CPEB3: variants seen among roughly 807,000 people sequenced by gnomAD.
CPEB3 encodes the protein cytoplasmic polyadenylation element-binding protein 3.
A neutral mutation model predicts 67.2 loss-of-function variants in CPEB3; 20 were observed. That is an observed-to-expected ratio of 0.30 (90% CI 0.21 to 0.43). CPEB3 has a LOEUF of 0.43. Among genes scored for constraint, CPEB3 ranks in the 20% least tolerant of loss-of-function variants. CPEB3 has a pLI of 1.00. For synonymous variants in CPEB3, 376 were observed against 393.1 expected (o/e 0.96, Z 0.51); for missense variants, 746 against 968.6 (o/e 0.77, Z 3.05).
intron 8 of CPEB3, among the ~76,000 whole-genome samples, chr10:92,091,535 T>C (rs1233152018): frequency 6.6e-6 from 1 of 151,930 alleles, no homozygotes; most frequent in African/African-American, 2.4e-5. Context: ...GGCATAAGAA[T>C]GCACATTGCC....
chr10:92,160,083 A>C lies in CPEB3; in HGVS notation c.1223-14998T>G, dbSNP rs115159225. ...TGCGTCAGCCTCCCAAGTAACTAGA[A>C]TTACAGGTGCTGGTCACCACGCCTG... On this transcript the variant is annotated intron_variant, in intron 4 of 9. Transcript: ENST00000265997. Among the ~76,000 whole-genome samples, 203 of 152,118 alleles carry C rather than the reference A, an allele frequency of 1.3e-3. 1 individual carries two copies. The highest frequency in any genetic ancestry group is 4.8e-3 in the African/African-American group (199 of 41,512).
intron 1 of CPEB3, among the ~76,000 whole-genome samples, chr10:92,241,854 T>G (rs905707161): frequency 1.3e-5 from 2 of 152,212 alleles, no homozygotes; most frequent in Admixed American, 6.5e-5. Flanking sequence ...ATAATTATTT[T>G]TAGATGATGA....
chr10:92,290,480 A>G (rs1842812323), intron 1 of CPEB3, among the ~76,000 whole-genome samples: 1 of 152,204 alleles, frequency 6.6e-6, no homozygotes, highest in East Asian at 1.9e-4. Flanking sequence ...TTATTCACCA[A>G]CGTGTTCCAT....
At chr10:92,275,629 C>G (rs1841943362) in intron 1 of CPEB3, among the ~76,000 whole-genome samples, 2 of 152,006 alleles carry the variant, frequency 1.3e-5, no homozygotes, top group South Asian at 4.1e-4. Flanking sequence ...CAATTTTAGA[C>G]CATTTTCATC....
intron 6 of CPEB3, among the ~76,000 whole-genome samples, chr10:92,126,713 C>G (rs1209241958): frequency 1.3e-5 from 2 of 152,088 alleles, no homozygotes; most frequent in African/African-American, 4.8e-5. Context: ...TACAGAGGAG[C>G]AAAACAAATA....
intron 1 of CPEB3, among the ~76,000 whole-genome samples, chr10:92,260,082 C>A (rs950524836): frequency 6.6e-6 from 1 of 152,188 alleles, no homozygotes; most frequent in Non-Finnish European, 1.5e-5. Context: ...CAGGAGATAG[C>A]TTGGACTTCA....
At chr10:92,104,808 A>T (rs891005317) in intron 7 of CPEB3, among the ~76,000 whole-genome samples, 6 of 152,328 alleles carry the variant, frequency 3.9e-5, no homozygotes, top group Admixed American at 2.0e-4. Flanking sequence ...AATCAAATGT[A>T]TAATGAATAG....
intron 1 of CPEB3, 44 bp from the exon 2 acceptor site, chr10:92,240,405 A>C: frequency 1.4e-6 from 2 of 1,412,490 alleles, no homozygotes; most frequent in Non-Finnish European, 1.9e-6. Flanking sequence ...CAATGTGATC[A>C]TGAATGTCCC....
At chr10:92,237,890 C>T (rs11186869) in intron 2 of CPEB3, among the ~76,000 whole-genome samples, 28,698 of 152,084 alleles carry the variant, frequency 0.19, 3,386 homozygotes, top group East Asian at 0.4. Flanking sequence ...ATATTGAAAT[C>T]GTCCATTCCT....
intron 2 of CPEB3, among the ~76,000 whole-genome samples, chr10:92,199,769 A>G (rs1182589128): frequency 6.6e-6 from 1 of 151,618 alleles, no homozygotes; most frequent in Non-Finnish European, 1.5e-5. Flanking sequence ...TACTCAGTAT[A>G]TGTTATTGGG....
chr10:92,141,870 G>A (rs569059433), intron 6 of CPEB3, among the ~76,000 whole-genome samples: 1 of 149,948 alleles, frequency 6.7e-6, no homozygotes, highest in South Asian at 2.1e-4. Flanking sequence ...TACAAAAAAT[G>A]AGCCGGGCGT....
chr10:92,175,039 A>G (rs1253742174), intron 4 of CPEB3, among the ~76,000 whole-genome samples: 1 of 152,060 alleles, frequency 6.6e-6, no homozygotes, highest in Non-Finnish European at 1.5e-5. Context: ...CAGGTTTTCA[A>G]GCAAAGGCTT....
intron 1 of CPEB3, among the ~76,000 whole-genome samples, chr10:92,267,789 T>A (rs1853127361): frequency 6.6e-6 from 1 of 152,178 alleles, no homozygotes; most frequent in African/African-American, 2.4e-5. Flanking sequence ...AATTTTCGTT[T>A]AAAATCAAAA....
At chr10:92,195,046 AACACACACACAC>A (rs371911549) in intron 2 of CPEB3, among the ~76,000 whole-genome samples, 10 of 117,066 alleles carry the variant, frequency 8.5e-5, no homozygotes, top group Admixed American at 1.7e-4. Flanking sequence ...TGTCTCAAAA[AACACACACACAC>A]ACACACACAC....
At chr10:92,231,178 T>C (rs1386931172) in intron 2 of CPEB3, among the ~76,000 whole-genome samples, 1 of 152,208 alleles carries the variant, frequency 6.6e-6, no homozygotes, top group African/African-American at 2.4e-5. Flanking sequence ...TACTCCCTAG[T>C]CTTCGGACCA....
chr10:92,151,570 C>T (rs970963536), intron 4 of CPEB3, among the ~76,000 whole-genome samples: 1 of 152,174 alleles, frequency 6.6e-6, no homozygotes, highest in Non-Finnish European at 1.5e-5. Context: ...TTTTATTACA[C>T]AGAAATCTTA....
chr10:92,167,014 C>T (rs374974152), intron 4 of CPEB3, among the ~76,000 whole-genome samples: 14 of 152,288 alleles, frequency 9.2e-5, no homozygotes, highest in African/African-American at 3.4e-4. Flanking sequence ...ATGGAGACGG[C>T]TTTTTCCCTT....
intron 3 of CPEB3, among the ~76,000 whole-genome samples, chr10:92,182,236 A>G (rs1350943594): frequency 6.6e-6 from 1 of 152,208 alleles, no homozygotes; most frequent in East Asian, 1.9e-4. Flanking sequence ...AAAGCTGGAG[A>G]TAAGGTTAAA....
At chr10:92,187,180 G>A in intron 3 of CPEB3, among the ~76,000 whole-genome samples, 1 of 152,044 alleles carries the variant, frequency 6.6e-6, no homozygotes, top group East Asian at 1.9e-4. Context: ...AACACCAAAG[G>A]GGTGGCATTA....
Sources: gnomAD v4.1 joint callset for allele counts (sites outside exome capture counted in the v4.1 genomes callset) on GRCh38, gnomAD v4.1.1 for gene constraint, MANE v1.5 for transcripts, NCBI Gene and HGNC (gene_info 2026-07-23, HGNC 2026-07-21) for gene names.